Variants in CIB4 observed in about 807,000 individuals in gnomAD.
The protein encoded by CIB4 is calcium and integrin binding family member 4, also known as calcium and integrin-binding family member 4.
In CIB4, 25 loss-of-function variants were observed where a neutral mutation model predicts 25.8. The ratio of observed to expected loss-of-function variants is 0.97; its 90% CI spans 0.71 to 1.35. The LOEUF (loss-of-function observed/expected upper bound fraction) is 1.35, where lower values mean the gene tolerates loss of function less well. Ranked by LOEUF, CIB4 falls within the 40% of genes most tolerant of loss-of-function variation. The probability of loss-of-function intolerance (pLI) is 0.00; values close to 1 mark genes in which losing one functional copy is unlikely to be tolerated. For missense variants in CIB4, 235 were observed against 228.2 expected, an observed-to-expected ratio of 1.03 and a Z score of -0.19; for synonymous variants, 75 against 81.4, an observed-to-expected ratio of 0.92 and a Z score of 0.42.
intron 3 of CIB4, among the ~76,000 whole-genome samples, chr2:26,618,379 G>A (rs1443705): frequency 0.094 from 14,290 of 152,164 alleles, 901 homozygotes; most frequent in Admixed American, 0.23. Flanking sequence ...TCAACCTCCC[G>A]GCCTCAAGCC....
At chr2:26,615,343 C>T (rs1411527532) in intron 3 of CIB4, among the ~76,000 whole-genome samples, 1 of 152,206 alleles carries the variant, frequency 6.6e-6, no homozygotes, top group Non-Finnish European at 1.5e-5. Context: ...CATCCGTTGT[C>T]CCCTGCAAGA....
intron 4 of CIB4, among the ~76,000 whole-genome samples, chr2:26,589,060 C>CTCTTCTTCTTCTTCTTCTTCT (rs367591422): frequency 2.7e-5 from 1 of 36,470 alleles, no homozygotes; most frequent in Admixed American, 3.1e-4. Context: ...CTTCTTCTTC[C>CTCTTCTTCTTCTTCTTCTTCT]TCTTCCTCTT....
intron 2 of CIB4, among the ~76,000 whole-genome samples, chr2:26,634,816 G>A (rs1044257491): frequency 5.3e-5 from 8 of 152,262 alleles, no homozygotes; most frequent in African/African-American, 1.7e-4. Flanking sequence ...GTCAGCCTGA[G>A]CAGAGGCTGG....
At chr2:26,585,306 C>T (rs756094242) in intron 4 of CIB4, among the ~76,000 whole-genome samples, 2 of 150,530 alleles carry the variant, frequency 1.3e-5, no homozygotes, top group Non-Finnish European at 2.9e-5. Context: ...AGAGGAGCCA[C>T]CCTGGGGTGC....
intron 4 of CIB4, among the ~76,000 whole-genome samples, chr2:26,590,476 G>T (rs561082643): frequency 6.6e-6 from 1 of 152,236 alleles, no homozygotes; most frequent in African/African-American, 2.4e-5. Flanking sequence ...GGCCACACCG[G>T]GGGTAGCAAG....
chr2:26,609,415 C>A (rs976186027), intron 3 of CIB4, among the ~76,000 whole-genome samples: 9 of 152,340 alleles, frequency 5.9e-5, no homozygotes, highest in African/African-American at 2.2e-4. Context: ...TTCAGTGGTG[C>A]TGACCGAAAT....
Position 26,605,506 on chromosome 2 carries a change from G to A in CIB4, c.187-10189C>T, listed in dbSNP as rs751277210. The A allele has an allele frequency of 2.8e-5, 13 of 470,970 alleles. No homozygotes were observed. The East Asian group carries it at 6.9e-4, about 25-fold the overall frequency. 29.2% of individuals were successfully genotyped at this position (470,970 alleles called of 1,614,324 possible). A position where few individuals can be genotyped will look rare whatever the true frequency, so the allele number is the denominator to read the frequency against. On this transcript the variant is annotated intron_variant, in intron 3 of 6. Coordinates refer to ENST00000288861, the MANE Select transcript of CIB4 (RefSeq NM_001029881.3). ...AGATGAAGTTGCTGGACTCACCTGC[G>A]AACAGGGGAGTGGACGCCCTTTCAG...
At chr2:26,595,074 CCA>C (rs1299664814) in intron 4 of CIB4, 100 bp downstream of exon 4, 25 of 1,168,620 alleles carry the variant, frequency 2.1e-5, no homozygotes, top group Non-Finnish European at 3.1e-5. Flanking sequence ...CAAGCACACC[CCA>C]GTTAATGCCA....
intron 5 of CIB4, among the ~76,000 whole-genome samples, chr2:26,583,175 C>T (rs1668384505): frequency 6.6e-6 from 1 of 152,212 alleles, no homozygotes; most frequent in South Asian, 2.1e-4. Flanking sequence ...ACCTGCCCCA[C>T]CAACCAGTAC....
intron 4 of CIB4, among the ~76,000 whole-genome samples, chr2:26,590,270 A>C (rs867396226): frequency 6.4e-4 from 97 of 151,118 alleles, no homozygotes; most frequent in African/African-American, 2.2e-3. Flanking sequence ...AAAAAAAAAA[A>C]AAAAAAAAAA....
chr2:26,589,090 T>TTCTTCTTCC (rs1668528096), intron 4 of CIB4, among the ~76,000 whole-genome samples: 3 of 95,008 alleles, frequency 3.2e-5, no homozygotes, highest in African/African-American at 5.2e-5. Flanking sequence ...CTTCTTCTTC[T>TTCTTCTTCC]TCTTCTTCTT....
At chr2:26,617,971 T>G (rs929254863) in intron 3 of CIB4, among the ~76,000 whole-genome samples, 5 of 152,204 alleles carry the variant, frequency 3.3e-5, no homozygotes, top group African/African-American at 1.2e-4. Context: ...TGGCTCACCC[T>G]CTGACTGGCC....
At chr2:26,616,013 G>A (rs1035509056) in intron 3 of CIB4, among the ~76,000 whole-genome samples, 4 of 152,220 alleles carry the variant, frequency 2.6e-5, no homozygotes, top group Non-Finnish European at 4.4e-5. Flanking sequence ...GGGGGGCGGT[G>A]GGGGGTGAGC....
intron 3 of CIB4, among the ~76,000 whole-genome samples, chr2:26,605,729 G>A (rs1415582530): frequency 6.6e-6 from 1 of 152,172 alleles, no homozygotes; most frequent in Non-Finnish European, 1.5e-5. Flanking sequence ...GCAGGTGGCA[G>A]GGACGATATT....
chr2:26,583,007 C>T (rs1668378132), intron 5 of CIB4, 94 bp from the exon 6 acceptor site: 1 of 786,744 alleles, frequency 1.3e-6, no homozygotes, highest in South Asian at 1.6e-5. Context: ...ATGCCAGGGG[C>T]TCTCCCACAT....
intron 2 of CIB4, 29 bp downstream of exon 2, chr2:26,640,503 GA>G: frequency 6.2e-7 from 1 of 1,611,112 alleles, no homozygotes; most frequent in Non-Finnish European, 8.5e-7. Context: ...GGAGCTGGGA[GA>G]AGGAAAGAGG....
intron 3 of CIB4, among the ~76,000 whole-genome samples, chr2:26,625,703 C>T (rs892967360): frequency 3.3e-5 from 5 of 152,220 alleles, no homozygotes; most frequent in Non-Finnish European, 5.9e-5. Context: ...CTTGCACAGA[C>T]AGTTTTGTTT....
intron 3 of CIB4, among the ~76,000 whole-genome samples, chr2:26,624,391 C>T (rs556179998): frequency 6.6e-6 from 1 of 152,240 alleles, no homozygotes; most frequent in Non-Finnish European, 1.5e-5. Flanking sequence ...CTGCTTTGTC[C>T]AGAATCGGAA....
intron 3 of CIB4, among the ~76,000 whole-genome samples, chr2:26,626,692 T>G (rs576589312): frequency 1.3e-5 from 2 of 152,228 alleles, no homozygotes; most frequent in East Asian, 3.9e-4. Flanking sequence ...AGTGAGCAAG[T>G]TCGGGGGGAA....
Sources: allele counts gnomAD v4.1 joint callset (sites outside exome capture counted in the v4.1 genomes callset), GRCh38; gene constraint gnomAD v4.1.1; transcripts MANE v1.5; gene names NCBI Gene and HGNC (gene_info 2026-07-23, HGNC 2026-07-21).